SPP2: variants seen among roughly 807,000 people sequenced by gnomAD.
SPP2 encodes secreted phosphoprotein 24.
SPP2 carries 34 observed loss-of-function variants against 28.8 expected under a neutral mutation model. The observed-to-expected ratio is 1.18, with a 90% CI of 0.90 to 1.57. The LOEUF (loss-of-function observed/expected upper bound fraction) is 1.57. SPP2 is among the 40% of genes most tolerant of loss of function. The pLI, the probability that SPP2 is intolerant of heterozygous loss-of-function variation, is 0.00. For missense variants in SPP2, 269 were observed against 263.9 expected (o/e 1.02, Z -0.13); for synonymous variants, 96 against 89.4 (o/e 1.07, Z -0.42).
chr2:234,075,267 G>A (rs915294289), intron 7 of SPP2, among the ~76,000 whole-genome samples: 6 of 152,144 alleles, frequency 3.9e-5, no homozygotes, highest in Admixed American at 3.3e-4. Context: ...TGTGACTAAT[G>A]AGGATTGACT....
chr2:234,057,648 C>T (rs1693635581), intron 2 of SPP2, among the ~76,000 whole-genome samples: 1 of 152,222 alleles, frequency 6.6e-6, no homozygotes, highest in African/African-American at 2.4e-5. Context: ...GTGCTGAACA[C>T]ACAGTGAGTA....
chr2:234,062,276 A>C (rs1055685917), intron 4 of SPP2, among the ~76,000 whole-genome samples: 1 of 152,222 alleles, frequency 6.6e-6, no homozygotes, highest in Non-Finnish European at 1.5e-5. Context: ...CTGACCTTCC[A>C]GCCAAGAACT....
intron 2 of SPP2, among the ~76,000 whole-genome samples, chr2:234,056,741 G>T (rs145403743): frequency 7.9e-5 from 12 of 151,948 alleles, no homozygotes; most frequent in Non-Finnish European, 1.5e-4. Context: ...CAGATTTAAC[G>T]TTCAATATAT....
chr2:234,058,489 G>A (rs1437128180), intron 2 of SPP2, among the ~76,000 whole-genome samples: 1 of 152,056 alleles, frequency 6.6e-6, no homozygotes, highest in Admixed American at 6.6e-5. Flanking sequence ...TTGATTTTGG[G>A]GTTACAAATA....
rs535465981 is a variant in SPP2, at chr2:234,073,321, G to A, written c.*10+3298G>A. Among the ~76,000 whole-genome samples, 5 of 152,346 alleles carry A rather than the reference G, an allele frequency of 3.3e-5. No homozygotes were observed. The East Asian group carries it at 9.6e-4, about 29-fold the overall frequency. Reference sequence around the variant, plus strand: ...TGTCCATTTCATAAGGCTAAGAACAGTGTATAGAATACAATCAATCAGATT... The same window carrying A: ...TGTCCATTTCATAAGGCTAAGAACAATGTATAGAATACAATCAATCAGATT... On this transcript the variant is annotated intron_variant, in intron 7 of 7. Coordinates refer to ENST00000168148, the MANE Select transcript of SPP2 (RefSeq NM_006944.3).
At chr2:234,069,706 G>A (rs1483687375) in intron 6 of SPP2, among the ~76,000 whole-genome samples, 1 of 152,112 alleles carries the variant, frequency 6.6e-6, no homozygotes, top group Non-Finnish European at 1.5e-5. Context: ...ATAAGGAGTG[G>A]GGAGAAATGA....
chr2:234,050,922 C>T, intron 1 of SPP2, 49 bp from the exon 2 acceptor site: 1 of 1,613,996 alleles, frequency 6.2e-7, no homozygotes, highest in Non-Finnish European at 8.5e-7. Context: ...CAGAGCCATG[C>T]TGGCGCCTGT....
At position 234,050,877 on chromosome 2, in the gene SPP2, G is replaced by T; in HGVS notation, c.85+6G>T. 2 of 1,613,994 alleles carry T rather than the reference G, an allele frequency of 1.2e-6. No homozygotes were observed. The highest frequency in any genetic ancestry group is 1.7e-6 in the Non-Finnish European group (2 of 1,179,888). ...GAACTACTGGTCTTGCTCAGGTAAGGTATTCACCAACCTGGCCACCTGCTC... is the reference window on the plus strand; with the variant it reads ...GAACTACTGGTCTTGCTCAGGTAAGTTATTCACCAACCTGGCCACCTGCTC... On this transcript the variant is annotated splice_donor_region_variant and intron_variant, in intron 1 of 7. Transcript: ENST00000168148.
intron 2 of SPP2, 138 bp downstream of exon 2, chr2:234,051,233 T>C: frequency 8.3e-7 from 1 of 1,207,446 alleles, no homozygotes; most frequent in Non-Finnish European, 1.1e-6. Flanking sequence ...ACTGTCTCTT[T>C]TCTTTGACAG....
At chr2:234,073,652 A>G (rs1429477476) in intron 7 of SPP2, among the ~76,000 whole-genome samples, 2 of 152,228 alleles carry the variant, frequency 1.3e-5, no homozygotes, top group South Asian at 2.1e-4. Flanking sequence ...CTCTTTGAGA[A>G]TCTTAGACTT....
At chr2:234,066,692 C>G (rs1693829002) in intron 5 of SPP2, 105 bp downstream of exon 5, 6 of 863,402 alleles carry the variant, frequency 6.9e-6, no homozygotes. Flanking sequence ...TGTATGTAAT[C>G]TTGCAACAAT....
chr2:234,060,543 AAC>A, intron 4 of SPP2, 64 bp downstream of exon 4: 2 of 1,354,724 alleles, frequency 1.5e-6, no homozygotes, highest in Non-Finnish European at 2.1e-6. Flanking sequence ...GTTTGTGAAA[AAC>A]AGAGTGGTTT....
At chr2:234,059,981 C>T (rs1460408688) in intron 3 of SPP2, among the ~76,000 whole-genome samples, 2 of 152,152 alleles carry the variant, frequency 1.3e-5, no homozygotes, top group African/African-American at 2.4e-5. Flanking sequence ...CTCTGTTTTA[C>T]AAAGGACTCA....
intron 7 of SPP2, among the ~76,000 whole-genome samples, chr2:234,073,044 C>T (rs999996753): frequency 2.0e-5 from 3 of 152,066 alleles, no homozygotes; most frequent in East Asian, 1.9e-4. Context: ...CCCACCACCA[C>T]GCCCAGCTAA....
At chr2:234,057,371 A>G (rs6711439) in intron 2 of SPP2, among the ~76,000 whole-genome samples, 11 of 152,300 alleles carry the variant, frequency 7.2e-5, no homozygotes, top group African/African-American at 2.6e-4. Flanking sequence ...TCCCTGCCCC[A>G]GGGCATTGGC....
At chr2:234,056,640 A>G (rs980949777) in intron 2 of SPP2, among the ~76,000 whole-genome samples, 4 of 152,148 alleles carry the variant, frequency 2.6e-5, no homozygotes, top group African/African-American at 9.6e-5. Context: ...TTTTAGGTGA[A>G]TTGCTGAAGC....
At chr2:234,069,407 T>C (rs982495345) in intron 6 of SPP2, among the ~76,000 whole-genome samples, 7 of 152,208 alleles carry the variant, frequency 4.6e-5, no homozygotes, top group African/African-American at 1.7e-4. Context: ...ATTGGACAAA[T>C]GCCATTTGGG....
chr2:234,059,069 C>T, intron 3 of SPP2, 111 bp downstream of exon 3: 1 of 1,296,898 alleles, frequency 7.7e-7, no homozygotes, highest in Non-Finnish European at 1.0e-6. Context: ...CATCTGGCCA[C>T]ACTGCTAACA....
chr2:234,055,909 T>G (rs1018315163), intron 2 of SPP2: 9 of 152,160 alleles, frequency 5.9e-5, no homozygotes, highest in African/African-American at 2.2e-4. Flanking sequence ...TGGTAAGTTT[T>G]TTTATTATAC....
Sources: gnomAD v4.1 joint callset for allele counts (sites outside exome capture counted in the v4.1 genomes callset) on GRCh38, gnomAD v4.1.1 for gene constraint, MANE v1.5 for transcripts, NCBI Gene and HGNC (gene_info 2026-07-23, HGNC 2026-07-21) for gene names.